Variants in FBXO11 observed in about 807,000 individuals in gnomAD.
The protein encoded by FBXO11 is F-box only protein 11.
A neutral mutation model predicts 117.0 loss-of-function variants in FBXO11; 13 were observed. The ratio of observed to expected loss-of-function variants is 0.11; its 90% CI spans 0.07 to 0.18. FBXO11 has a LOEUF of 0.18. Ranked by LOEUF, FBXO11 falls within the 10% of genes least tolerant of loss-of-function variation. The pLI is 1.00. For missense variants in FBXO11, 767 were observed against 1,164.4 expected (o/e 0.66, Z 4.97); for synonymous variants, 490 against 380.5 (o/e 1.29, Z -3.35).
intron 11 of FBXO11, among the ~76,000 whole-genome samples, chr2:47,825,566 T>C (rs916644718): frequency 6.7e-6 from 1 of 149,480 alleles, no homozygotes; most frequent in Non-Finnish European, 1.5e-5. Context: ...TTTTTTCTTC[T>C]TCTTCTTTTT....
chr2:47,815,703 C>A (rs1670958549), intron 16 of FBXO11, among the ~76,000 whole-genome samples: 1 of 152,156 alleles, frequency 6.6e-6, no homozygotes, highest in Non-Finnish European at 1.5e-5. Context: ...AGAACCTCTT[C>A]AAAGCTGAAA....
intron 1 of FBXO11, among the ~76,000 whole-genome samples, chr2:47,891,400 T>G (rs1572914647): frequency 6.6e-6 from 1 of 152,366 alleles, no homozygotes; most frequent in East Asian, 1.9e-4. Flanking sequence ...TGTGATTGGC[T>G]TATTTCATTT....
At chr2:47,844,828 G>C (rs551571359) in intron 1 of FBXO11, among the ~76,000 whole-genome samples, 1 of 152,088 alleles carries the variant, frequency 6.6e-6, no homozygotes, top group South Asian at 2.1e-4. Context: ...TAGAGACATG[G>C]TTTTGCCATG....
rs149966170 is a variant in FBXO11 at position 47,809,211 on chromosome 2, T to C, written c.2502A>G (p.Gln834=). 2.5e-5 allele frequency: 40 copies of C among 1,608,300 alleles called. No individual in the cohort carries two copies. The highest frequency in any genetic ancestry group is 3.0e-5 in the Non-Finnish European group (35 of 1,176,016). The change falls in exon 21 of 23, where the codon CAA becomes CAG. Residue 834 remains glutamine (Q), a synonymous_variant. Coordinates refer to ENST00000403359, the MANE Select transcript of FBXO11 (RefSeq NM_001190274.2). ...DAIEKAVSRG[Q]CLYKISSYTS... ...TATAACTTGATATTTTATATAAACA[T>C]TGGCCTCTACTAACAGCCTTTTCTA... is the stretch of plus-strand genomic sequence containing the variant.
At chr2:47,888,727 CAT>C (rs1677048328) in intron 1 of FBXO11, 1 of 935,370 alleles carries the variant, frequency 1.1e-6, no homozygotes, top group African/African-American at 1.8e-5. Flanking sequence ...GATACAGTAT[CAT>C]GTGTTTATAC....
intron 1 of FBXO11, among the ~76,000 whole-genome samples, chr2:47,853,095 G>A (rs187378991): frequency 5.1e-4 from 75 of 147,896 alleles, no homozygotes; most frequent in Non-Finnish European, 8.5e-4. Context: ...TTTTTGAGAT[G>A]GAGTCTTGCT....
At chr2:47,874,930 C>T (rs1675889977) in intron 1 of FBXO11, among the ~76,000 whole-genome samples, 1 of 143,246 alleles carries the variant, frequency 7.0e-6, no homozygotes, top group Admixed American at 7.1e-5. Flanking sequence ...TGAAATATTC[C>T]TGTTGAATGA....
chr2:47,903,736 A>C (rs546202447), intron 1 of FBXO11, among the ~76,000 whole-genome samples: 108 of 152,358 alleles, frequency 7.1e-4, no homozygotes, highest in African/African-American at 2.6e-3. Context: ...AGAATCCTTA[A>C]TATTAAAGGC....
At chr2:47,886,044 A>G (rs1456980953) in intron 1 of FBXO11, among the ~76,000 whole-genome samples, 1 of 138,368 alleles carries the variant, frequency 7.2e-6, no homozygotes, top group East Asian at 1.9e-4. Context: ...AAATTATGCA[A>G]CCTTCTTTTT....
At chr2:47,892,463 C>T (rs1032137933) in intron 1 of FBXO11, among the ~76,000 whole-genome samples, 5 of 152,212 alleles carry the variant, frequency 3.3e-5, no homozygotes, top group Non-Finnish European at 5.9e-5. Context: ...AACCTCCCTA[C>T]ATCCGGATCT....
intron 18 of FBXO11, 153 bp downstream of exon 18, chr2:47,813,081 A>C: frequency 2.5e-6 from 2 of 784,358 alleles, no homozygotes; most frequent in East Asian, 2.5e-5. Flanking sequence ...TCTTAACTCT[A>C]GGCACTAATC....
intron 16 of FBXO11, among the ~76,000 whole-genome samples, chr2:47,818,154 A>C (rs891740820): frequency 2.0e-5 from 3 of 152,234 alleles, no homozygotes; most frequent in African/African-American, 7.2e-5. Context: ...GATCACCATA[A>C]CAGACATAAT....
chr2:47,891,291 C>T (rs1677243231), intron 1 of FBXO11, among the ~76,000 whole-genome samples: 1 of 152,162 alleles, frequency 6.6e-6, no homozygotes, highest in South Asian at 2.1e-4. Flanking sequence ...TTCCCCCTCC[C>T]CTCCCTTTCA....
At chr2:47,848,107 G>A (rs1482988440) in intron 1 of FBXO11, among the ~76,000 whole-genome samples, 1 of 151,688 alleles carries the variant, frequency 6.6e-6, no homozygotes, top group African/African-American at 2.4e-5. Context: ...CTGGGCGACA[G>A]AGCGAGACCC....
At position 47,903,149 on chromosome 2, in the gene FBXO11, A is replaced by G. The variant is rs967142515; in HGVS notation, c.232+2340T>C. ...TTAAAAAAACGTAATTAAAATGTCA[A>G]TTTTTCAAAGAATAACATATTTTTC... On this transcript the variant is annotated intron_variant, in intron 1 of 22. Transcript: ENST00000403359. Among the ~76,000 whole-genome samples, 3 of 152,198 alleles carry G rather than the reference A, an allele frequency of 2.0e-5. No homozygotes were observed. In the East Asian group the frequency reaches 5.8e-4, roughly 29 times the overall value.
At chr2:47,863,357 A>G (rs1314940029) in intron 1 of FBXO11, among the ~76,000 whole-genome samples, 5 of 152,240 alleles carry the variant, frequency 3.3e-5, no homozygotes, top group African/African-American at 1.2e-4. Context: ...ACAGAATTAA[A>G]TAAAAATATA....
chr2:47,827,046 G>T (rs1671807897), intron 11 of FBXO11, among the ~76,000 whole-genome samples: 2 of 152,152 alleles, frequency 1.3e-5, no homozygotes, highest in Admixed American at 1.3e-4. Context: ...TTAGGTTAAG[G>T]ATTAAATATG....
chr2:47,832,236 A>T, intron 11 of FBXO11, 113 bp downstream of exon 11: 1 of 829,544 alleles, frequency 1.2e-6, no homozygotes, highest in Non-Finnish European at 1.8e-6. Context: ...AATTGCTTTT[A>T]AACCTATACT....
rs376990515 is a variant in FBXO11 at position 47,903,021 on chromosome 2, AT to A, written c.232+2467del. Among the ~76,000 whole-genome samples, 211 of 152,214 alleles carry A rather than the reference AT, an allele frequency of 1.4e-3. 1 individual carries two copies. Among genetic ancestry groups the A allele is most frequent in the African/African-American group, 4.9e-3 (204 of 41,552 alleles). On this transcript the variant is annotated intron_variant, in intron 1 of 22. Coordinates refer to ENST00000403359, the MANE Select transcript of FBXO11 (RefSeq NM_001190274.2). The stretch of plus-strand genomic sequence containing the variant: ...ATATTCCTAAACTAGCAACAACAAA[AT>A]CCCTTTCTTTCCAAACTAGAAAGTG...
Sources: allele counts gnomAD v4.1 joint callset (sites outside exome capture counted in the v4.1 genomes callset), GRCh38; gene constraint gnomAD v4.1.1; transcripts MANE v1.5; gene names NCBI Gene and HGNC (gene_info 2026-07-23, HGNC 2026-07-21).